Variants in GSG1L observed in about 807,000 individuals in gnomAD.
GSG1L encodes GSG1 like, also known as germ cell-specific gene 1-like protein.
GSG1L carries 24 observed loss-of-function variants against 42.1 expected under a neutral mutation model. The observed-to-expected ratio is 0.57, with a 90% CI of 0.41 to 0.80. The LOEUF (loss-of-function observed/expected upper bound fraction) is 0.80. GSG1L is among the 30% of genes least tolerant of loss of function. The probability of loss-of-function intolerance (pLI) is 0.00; values close to 1 mark genes in which losing one functional copy is unlikely to be tolerated. For synonymous variants in GSG1L, 215 were observed against 203.5 expected (o/e 1.06, Z -0.48); for missense variants, 445 against 472.2 (o/e 0.94, Z 0.53).
chr16:27,799,371 A>G (rs926679208), intron 6 of GSG1L, among the ~76,000 whole-genome samples: 2 of 151,924 alleles, frequency 1.3e-5, no homozygotes, highest in African/African-American at 2.4e-5. Flanking sequence ...CCATCTCTAC[A>G]AAAAAAATTG....
At chr16:28,004,223 C>T (rs988679118) in intron 1 of GSG1L, among the ~76,000 whole-genome samples, 5 of 152,196 alleles carry the variant, frequency 3.3e-5, no homozygotes, top group Non-Finnish European at 7.3e-5. Context: ...GCTGGCTGCT[C>T]CCTTGCCGCC....
At chr16:28,061,965 C>T (rs892399392) in intron 1 of GSG1L, among the ~76,000 whole-genome samples, 3 of 152,238 alleles carry the variant, frequency 2.0e-5, no homozygotes, top group Non-Finnish European at 4.4e-5. Context: ...CTCTAAACCA[C>T]TTAGGCCACT....
chr16:27,877,237 G>A (rs199499652), intron 3 of GSG1L, among the ~76,000 whole-genome samples: 3 of 152,154 alleles, frequency 2.0e-5, no homozygotes, highest in Admixed American at 6.5e-5. Context: ...CCCTGGTCTC[G>A]AATTAGTCTT....
chr16:27,985,295 G>T (rs180679156), intron 1 of GSG1L, among the ~76,000 whole-genome samples: 5 of 152,184 alleles, frequency 3.3e-5, no homozygotes, highest in Non-Finnish European at 5.9e-5. Flanking sequence ...CTCATGAATG[G>T]TTTGCTGCCG....
intron 2 of GSG1L, among the ~76,000 whole-genome samples, chr16:27,910,613 T>C (rs763643596): frequency 1.3e-5 from 2 of 152,168 alleles, no homozygotes; most frequent in African/African-American, 2.4e-5. Context: ...ACTGCATGGT[T>C]CATGACCCTC....
In GSG1L at chr16:27,799,025, A is replaced by T. The variant is rs535962273; in HGVS notation, c.899-7558T>A. 2.0e-5 allele frequency among the ~76,000 whole-genome samples: 3 copies of T among 152,290 alleles called. No homozygotes were observed. In the South Asian group the frequency reaches 6.2e-4, roughly 32 times the overall value. On this transcript the variant is annotated intron_variant, in intron 6 of 6. Coordinates refer to ENST00000447459, the MANE Select transcript of GSG1L (RefSeq NM_001109763.2). ...ACATACTGGTGACCTACTGTGTGCTAGGCCCTGGGGATGTCACAGTGAATG... is the reference window on the plus strand; with the variant it reads ...ACATACTGGTGACCTACTGTGTGCTTGGCCCTGGGGATGTCACAGTGAATG...
intron 2 of GSG1L, among the ~76,000 whole-genome samples, chr16:27,936,128 C>A (rs754959930): frequency 2.0e-5 from 3 of 151,710 alleles, no homozygotes; most frequent in African/African-American, 7.3e-5. Flanking sequence ...CAATCACAGT[C>A]GCACAAGGAA....
At chr16:27,977,514 C>T (rs571445018) in intron 1 of GSG1L, among the ~76,000 whole-genome samples, 107 of 131,158 alleles carry the variant, frequency 8.2e-4, no homozygotes, top group African/African-American at 2.7e-3. Context: ...GAGCCAAGAT[C>T]GTGCCACTGC....
At chr16:27,860,218 C>T (rs555964474) in intron 3 of GSG1L, among the ~76,000 whole-genome samples, 1 of 152,248 alleles carries the variant, frequency 6.6e-6, no homozygotes, top group Non-Finnish European at 1.5e-5. Context: ...CAGTCTGCAC[C>T]TGCCTGCCCT....
intron 6 of GSG1L, among the ~76,000 whole-genome samples, chr16:27,799,044 G>C (rs1168631003): frequency 6.6e-6 from 1 of 152,182 alleles, no homozygotes; most frequent in Non-Finnish European, 1.5e-5. Context: ...GGATGTCACA[G>C]TGAATGCAGC....
chr16:28,009,046 T>C lies in GSG1L; in HGVS notation c.350-45843A>G, dbSNP rs550908565. 7.9e-5 allele frequency among the ~76,000 whole-genome samples: 12 copies of C among 152,294 alleles called. No homozygotes were observed. The East Asian group carries it at 2.1e-3, about 27-fold the overall frequency. ...CTGGTCTTGAAATCCTGACCTCAAGTGATCCGCCCGCCTTGGCCTCCCGAA... is the reference window on the plus strand; with the variant it reads ...CTGGTCTTGAAATCCTGACCTCAAGCGATCCGCCCGCCTTGGCCTCCCGAA... On this transcript the variant is annotated intron_variant, in intron 1 of 6. Coordinates refer to ENST00000447459, the MANE Select transcript of GSG1L (RefSeq NM_001109763.2).
intron 1 of GSG1L, among the ~76,000 whole-genome samples, chr16:28,057,746 C>A (rs896241701): frequency 6.6e-6 from 1 of 152,154 alleles, no homozygotes; most frequent in Non-Finnish European, 1.5e-5. Flanking sequence ...TCAACCCCAA[C>A]GATGCTATCA....
In GSG1L at chr16:27,935,474, G is replaced by A. The variant is rs144740911; in HGVS notation, c.397+27682C>T. 5.3e-5 allele frequency among the ~76,000 whole-genome samples: 8 copies of A among 151,558 alleles called. No individual in the cohort carries two copies. The South Asian group carries it at 1.7e-3, about 32-fold the overall frequency. The stretch of plus-strand genomic sequence containing the variant: ...TCAAAATCTTAAATGACCACTTAGC[G>A]TTAGGCTCTCGGCTATACGCTAGAG... On this transcript the variant is annotated intron_variant, in intron 2 of 6. Transcript: ENST00000447459.
chr16:27,802,435 C>T (rs562700713), intron 6 of GSG1L, among the ~76,000 whole-genome samples: 26 of 152,260 alleles, frequency 1.7e-4, no homozygotes, highest in South Asian at 1.2e-3. Context: ...CCAGCAACTC[C>T]GCTATCCCCA....
In GSG1L at chr16:27,791,370, T is replaced by C. The variant is rs2082749933; in HGVS notation, c.996A>G (p.Ter332TrpextTer35). Reference protein sequence around the residue: ...RQCWVLGHWV* With the variant: ...RQCWVLGHWVW Reference sequence around the variant, plus strand: ...TCCGCGGGCCAGGTTGAGGTCTTGGTCACACCCAGTGCCCCAAGACCCAGC... The same window carrying C: ...TCCGCGGGCCAGGTTGAGGTCTTGGCCACACCCAGTGCCCCAAGACCCAGC... The change falls in exon 7 of 7, where the codon TGA (stop) becomes TGG (tryptophan). Residue 332 changes from the stop codon to tryptophan, a stop_lost. Coordinates refer to ENST00000447459, the MANE Select transcript of GSG1L (RefSeq NM_001109763.2). 2 of 1,417,432 alleles carry C rather than the reference T, an allele frequency of 1.4e-6. No homozygotes were observed. The highest frequency in any genetic ancestry group is 1.5e-5 in the African/African-American group (1 of 68,200). 87.8% of individuals were successfully genotyped at this position (1,417,432 alleles called of 1,614,324 possible).
chr16:27,976,350 C>T (rs2085250573), intron 1 of GSG1L, among the ~76,000 whole-genome samples: 1 of 152,208 alleles, frequency 6.6e-6, no homozygotes, highest in Non-Finnish European at 1.5e-5. Flanking sequence ...CAAATAGAAA[C>T]TTCGTGACCA....
At chr16:27,868,348 A>G (rs2083758513) in intron 3 of GSG1L, among the ~76,000 whole-genome samples, 1 of 152,194 alleles carries the variant, frequency 6.6e-6, no homozygotes. Context: ...ATTTGCTTCT[A>G]ACACTCCAAC....
intron 3 of GSG1L, among the ~76,000 whole-genome samples, chr16:27,880,194 C>T (rs1242285605): frequency 1.3e-5 from 2 of 152,236 alleles, no homozygotes; most frequent in African/African-American, 2.4e-5. Context: ...TTCCAAGGGG[C>T]TCCCTAAAGA....
intron 1 of GSG1L, among the ~76,000 whole-genome samples, chr16:27,993,624 TGTAA>T (rs1017631579): frequency 6.6e-6 from 1 of 151,822 alleles, no homozygotes; most frequent in Non-Finnish European, 1.5e-5. Context: ...TTTCCAGTGG[TGTAA>T]GTGAGAGAGG....
Sources: allele counts gnomAD v4.1 joint callset (sites outside exome capture counted in the v4.1 genomes callset), GRCh38; gene constraint gnomAD v4.1.1; transcripts MANE v1.5; gene names NCBI Gene and HGNC (gene_info 2026-07-23, HGNC 2026-07-21).